Variants in IL2RB observed in about 807,000 individuals in gnomAD.
IL2RB encodes the protein interleukin-2 receptor subunit beta.
In IL2RB, 17 loss-of-function variants were observed where a neutral mutation model predicts 44.2. The ratio of observed to expected loss-of-function variants is 0.38; its 90% CI spans 0.26 to 0.58. The LOEUF is 0.58. Ranked by LOEUF, IL2RB falls within the 20% of genes least tolerant of loss-of-function variation. IL2RB has a pLI of 0.63. For missense variants in IL2RB, 624 were observed against 685.5 expected, an observed-to-expected ratio of 0.91 and a Z score of 1.00; for synonymous variants, 286 against 297.9, an observed-to-expected ratio of 0.96 and a Z score of 0.41.
Position 37,126,275 on chromosome 22 carries a change from T to G in IL2RB, c.*1821A>C, listed in dbSNP as rs1354309030. ...CAATAATTCAGCTTTTTTCAAGGCA[T>G]AGACCCAAGACTCAGACAACCTCAA... On this transcript the variant is annotated 3_prime_UTR_variant, in exon 10 of 10. Coordinates refer to ENST00000216223, the MANE Select transcript of IL2RB (RefSeq NM_000878.5). 1 of 152,180 alleles carries G rather than the reference T, an allele frequency of 6.6e-6. No individual in the cohort carries two copies. Among genetic ancestry groups the G allele is most frequent in the Non-Finnish European group, 1.5e-5 (1 of 68,024 alleles). 9.4% of individuals were successfully genotyped at this position (152,180 alleles called of 1,614,324 possible).
At chr22:37,168,915 T>TCTGTTTACAGAGGGATG (rs1397499424) in intron 1 of IL2RB, among the ~76,000 whole-genome samples, 1 of 151,962 alleles carries the variant, frequency 6.6e-6, no homozygotes, top group Non-Finnish European at 1.5e-5. Context: ...ACAGAGGGGT[T>TCTGTTTACAGAGGGATG]CTGTTTACAG....
Position 37,129,394 on chromosome 22 carries a change from G to A in IL2RB, c.904-546C>T, listed in dbSNP as rs191078368. Among the ~76,000 whole-genome samples, 270 of 152,304 alleles carry A rather than the reference G, an allele frequency of 1.8e-3. 2 individuals are homozygous for A. Among genetic ancestry groups the A allele is most frequent in the African/African-American group, 5.9e-3 (247 of 41,554 alleles). On this transcript the variant is annotated intron_variant, in intron 9 of 9. Coordinates refer to ENST00000216223, the MANE Select transcript of IL2RB (RefSeq NM_000878.5). ...TCTCCGCTTACACTGTGGTGGGAAC[G>A]TCTCTTGGGGGAGCTGATGGTTTCC...
At chr22:37,157,932 A>C (rs1407568818) in intron 1 of IL2RB, among the ~76,000 whole-genome samples, 1 of 152,232 alleles carries the variant, frequency 6.6e-6, no homozygotes, top group Non-Finnish European at 1.5e-5. Context: ...CTGAGAATAC[A>C]CATTAAAAAC....
intron 1 of IL2RB, among the ~76,000 whole-genome samples, chr22:37,165,595 A>G (rs1923041186): frequency 6.6e-6 from 1 of 152,214 alleles, no homozygotes; most frequent in African/African-American, 2.4e-5. Context: ...ATATAATCAC[A>G]GCTAAAGTTT....
intron 1 of IL2RB, among the ~76,000 whole-genome samples, chr22:37,148,777 G>A (rs1420682553): frequency 6.6e-6 from 1 of 152,170 alleles, no homozygotes; most frequent in Non-Finnish European, 1.5e-5. Context: ...CAGGCGAGAA[G>A]GGCATAGAGC....
At chr22:37,143,920 C>CGTGT (rs1401071820) in intron 2 of IL2RB, among the ~76,000 whole-genome samples, 165 bp downstream of exon 2, 92 of 63,178 alleles carry the variant, frequency 1.5e-3, no homozygotes, top group African/African-American at 7.6e-3. Flanking sequence ...TGTGTGTGTG[C>CGTGT]GCGCATTCAT....
intron 1 of IL2RB, among the ~76,000 whole-genome samples, chr22:37,166,080 G>C (rs984863563): frequency 1.3e-5 from 2 of 152,196 alleles, no homozygotes; most frequent in Admixed American, 6.5e-5. Flanking sequence ...CAGCTCAGCT[G>C]ATAGCTGGGC....
intron 9 of IL2RB, among the ~76,000 whole-genome samples, chr22:37,132,183 G>T (rs1162711685): frequency 6.6e-6 from 1 of 152,190 alleles, no homozygotes; most frequent in Non-Finnish European, 1.5e-5. Flanking sequence ...CCAGAATGTG[G>T]TGGAGCTGGG....
intron 5 of IL2RB, among the ~76,000 whole-genome samples, chr22:37,138,031 TC>T (rs1030275515): frequency 1.2e-4 from 18 of 152,140 alleles, no homozygotes; most frequent in African/African-American, 4.8e-5. Context: ...ATTTTCTGTC[TC>T]CCCCAGCAGA....
intron 9 of IL2RB, among the ~76,000 whole-genome samples, chr22:37,131,222 C>T (rs915772853): frequency 6.6e-6 from 1 of 152,086 alleles, no homozygotes; most frequent in Non-Finnish European, 1.5e-5. Flanking sequence ...ATATTCTCAT[C>T]TTGGGAGTTT....
Position 37,143,595 on chromosome 22 carries a change from G to A in IL2RB, c.129C>T (p.Asn43=). Residue 43 remains asparagine, a synonymous_variant, in exon 3 of 10, where the codon AAC becomes AAT. Coordinates refer to ENST00000216223, the MANE Select transcript of IL2RB (RefSeq NM_000878.5). ...CATCTTGGCTCCAGACACAGGAGAT[G>A]TTGGCTCTCGAGTTGTAGAAGCATG... The part of the protein sequence containing the change: ...QFTCFYNSRA[N]ISCVWSQDGA... 1.2e-6 allele frequency: 2 copies of A among 1,614,132 alleles called. No homozygotes were observed. Among genetic ancestry groups the A allele is most frequent in the South Asian group, 1.1e-5 (1 of 91,076 alleles).
chr22:37,151,358 GTTTTC>G (rs1321471384), upstream of IL2RB, among the ~76,000 whole-genome samples: 1 of 152,130 alleles, frequency 6.6e-6, no homozygotes, highest in African/African-American at 2.4e-5. Context: ...AAACTTATAT[GTTTTC>G]TTTTGAGAAC....
rs145921813 is a variant in IL2RB at position 37,135,635 on chromosome 22, C to T, written c.704-193G>A. Among the ~76,000 whole-genome samples, 429 of 152,274 alleles carry T rather than the reference C, an allele frequency of 2.8e-3. 3 individuals are homozygous for T. The highest frequency in any genetic ancestry group is 9.8e-3 in the African/African-American group (408 of 41,558). ...ATGCTAAAAAGAAATGACACGGTGG[C>T]ATTCTAAGAGCTCCTCCAGCTCCAG... On this transcript the variant is annotated intron_variant, in intron 7 of 9. Coordinates refer to ENST00000216223, the MANE Select transcript of IL2RB (RefSeq NM_000878.5).
chr22:37,128,562 G>A lies in IL2RB; in HGVS notation c.1190C>T (p.Ala397Val), dbSNP rs1332335364. ...YSEEDPDEGV[A>V]GAPTGSSPQP... ...GGGGGAAGACCCTGTGGGTGCCCCG[G>A]CCACACCCTCATCAGGGTCTTCCTC... Residue 397 changes from alanine to valine, a missense_variant, in exon 10 of 10, where the codon GCC becomes GTC. Physicochemically the swap from Ala to Val is moderately conservative, Grantham distance 64. Transcript: ENST00000216223. The surrounding 1 kb of genome is among the most constrained non-coding windows in gnomAD (Gnocchi z 4.5). The A allele has an allele frequency of 3.1e-6, 5 of 1,613,920 alleles. No individual in the cohort carries two copies. Among genetic ancestry groups the A allele is most frequent in the Non-Finnish European group, 3.4e-6 (4 of 1,179,864 alleles).
At chr22:37,166,517 G>A (rs374452140) in intron 1 of IL2RB, among the ~76,000 whole-genome samples, 5 of 152,156 alleles carry the variant, frequency 3.3e-5, no homozygotes, top group Admixed American at 2.0e-4. Flanking sequence ...GGGAGGGATC[G>A]GGAGCGCGTA....
intron 8 of IL2RB, among the ~76,000 whole-genome samples, chr22:37,133,306 G>A (rs1921521301): frequency 1.3e-5 from 2 of 152,200 alleles, no homozygotes; most frequent in African/African-American, 4.8e-5. Context: ...GGGCGGAGGG[G>A]ACGGGTGGGT....
chr22:37,137,459 G>T, intron 6 of IL2RB, 128 bp downstream of exon 6: 1 of 915,544 alleles, frequency 1.1e-6, no homozygotes, highest in Non-Finnish European at 1.7e-6. Flanking sequence ...TGCAGAAAGA[G>T]CACTGGACTC....
At chr22:37,167,176 C>T (rs754673210) in intron 1 of IL2RB, among the ~76,000 whole-genome samples, 4 of 152,148 alleles carry the variant, frequency 2.6e-5, no homozygotes, top group Non-Finnish European at 4.4e-5. Context: ...CTGGCCCCCA[C>T]GTTTAGGGTT....
At chr22:37,130,722 C>T (rs1159835773) in intron 9 of IL2RB, among the ~76,000 whole-genome samples, 2 of 152,200 alleles carry the variant, frequency 1.3e-5, no homozygotes, top group Non-Finnish European at 2.9e-5. Flanking sequence ...GCTAATCTAC[C>T]GCAGCCTCCA....
Sources: allele counts gnomAD v4.1 joint callset (sites outside exome capture counted in the v4.1 genomes callset), GRCh38; gene constraint gnomAD v4.1.1; non-coding constraint Gnocchi (gnomAD v3.1); transcripts MANE v1.5; gene names NCBI Gene and HGNC (gene_info 2026-07-23, HGNC 2026-07-21).